BTBD10: variants seen among roughly 807,000 people sequenced by gnomAD.
The protein encoded by BTBD10 is BTB domain containing 10, also known as BTB/POZ domain-containing protein 10.
A neutral mutation model predicts 53.2 loss-of-function variants in BTBD10; 21 were observed. The observed-to-expected ratio is 0.39, with a 90% CI of 0.28 to 0.57. BTBD10 has a LOEUF of 0.57. BTBD10 is among the 20% of genes least tolerant of loss of function. BTBD10 has a pLI of 0.53. For synonymous variants in BTBD10, 149 were observed against 192.7 expected, an observed-to-expected ratio of 0.77 and a Z score of 1.88; for missense variants, 360 against 594.7, an observed-to-expected ratio of 0.61 and a Z score of 4.10.
chr11:13,411,019 T>C (rs960224919), intron 6 of BTBD10, among the ~76,000 whole-genome samples: 2 of 152,176 alleles, frequency 1.3e-5, no homozygotes, highest in African/African-American at 2.4e-5. Context: ...TAAGTCAGAT[T>C]TGAGTATGTT....
Position 13,389,008 on chromosome 11 carries a change from A to G in BTBD10, c.1251T>C (p.Phe417=), listed in dbSNP as rs765261098. Residue 417 remains phenylalanine (F), a synonymous_variant, in exon 9 of 9, where the codon TTT becomes TTC. Coordinates refer to ENST00000278174, the MANE Select transcript of BTBD10 (RefSeq NM_032320.7). Reference sequence around the variant, plus strand: ...TGATAGATTTACTCTTTACACACTGAAAGTCTACATGCCGACTCTTTCCTT... The same window carrying G: ...TGATAGATTTACTCTTTACACACTGGAAGTCTACATGCCGACTCTTTCCTT... ...KEEGKSRHVD[F]QCVKSKSITN... 3.7e-6 allele frequency: 6 copies of G among 1,613,976 alleles called. No individual in the cohort carries two copies. Among genetic ancestry groups the G allele is most frequent in the East Asian group, 4.5e-5 (2 of 44,898 alleles).
intron 2 of BTBD10, among the ~76,000 whole-genome samples, chr11:13,428,370 A>G (rs1157481170): frequency 3.3e-5 from 5 of 152,102 alleles, no homozygotes; most frequent in African/African-American, 1.2e-4. Flanking sequence ...TAAGATAGAA[A>G]TAATATCACC....
chr11:13,418,971 CT>C (rs11423580), intron 4 of BTBD10, among the ~76,000 whole-genome samples: 13,544 of 125,348 alleles, frequency 0.11, 735 homozygotes, highest in East Asian at 0.17. Flanking sequence ...GTTGACATTC[CT>C]TTTTTTTTTT....
intron 6 of BTBD10, 37 bp from the exon 7 acceptor site, chr11:13,405,893 T>A (rs756525065): frequency 6.3e-7 from 1 of 1,595,628 alleles, no homozygotes; most frequent in South Asian, 1.1e-5. Flanking sequence ...TACCAAAACT[T>A]TTCCTAAAAA....
intron 4 of BTBD10, 63 bp from the exon 5 acceptor site, chr11:13,417,323 T>C: frequency 8.4e-7 from 1 of 1,195,220 alleles, no homozygotes; most frequent in Non-Finnish European, 1.2e-6. Flanking sequence ...GGAAAATAGA[T>C]TTCATGTACA....
chr11:13,393,994 G>T (rs187872962), intron 8 of BTBD10, among the ~76,000 whole-genome samples: 1 of 152,160 alleles, frequency 6.6e-6, no homozygotes, highest in Non-Finnish European at 1.5e-5. Flanking sequence ...AATACCAGCT[G>T]ATAAATGTAA....
intron 2 of BTBD10, among the ~76,000 whole-genome samples, chr11:13,437,764 A>G (rs1415241464): frequency 6.6e-6 from 1 of 152,194 alleles, no homozygotes. Context: ...GTCATAAATG[A>G]GTCCTTTCCA....
rs7945267 is a variant in BTBD10 at position 13,446,562 on chromosome 11, A to C, written c.-57-1381T>G. Among the ~76,000 whole-genome samples the C allele has an allele frequency of 3.3e-5, 5 of 152,192 alleles. No homozygotes were observed. In the East Asian group the frequency reaches 9.6e-4, roughly 29 times the overall value. Reference sequence around the variant, plus strand: ...TAGATCCATGAGTGAAATAAAAATAAAAGTGGGGGAAAGGAAGAACTGCTG... The same window carrying C: ...TAGATCCATGAGTGAAATAAAAATACAAGTGGGGGAAAGGAAGAACTGCTG... On this transcript the variant is annotated intron_variant, in intron 1 of 8. Transcript: ENST00000278174.
intron 1 of BTBD10, among the ~76,000 whole-genome samples, chr11:13,459,125 C>G (rs1158016572): frequency 2.7e-5 from 4 of 147,878 alleles, no homozygotes; most frequent in African/African-American, 5.0e-5. Flanking sequence ...GGCGGGATCT[C>G]GGCTCACTGC....
chr11:13,399,774 C>A (rs1470453225), intron 8 of BTBD10, among the ~76,000 whole-genome samples: 1 of 152,134 alleles, frequency 6.6e-6, no homozygotes, highest in East Asian at 1.9e-4. Context: ...CAGACAGGAC[C>A]CTCAGCAGCA....
At chr11:13,399,891 T>C (rs1199661792) in intron 8 of BTBD10, among the ~76,000 whole-genome samples, 1 of 152,196 alleles carries the variant, frequency 6.6e-6, no homozygotes, top group Non-Finnish European at 1.5e-5. Context: ...TGCTGCTGCC[T>C]GATCGTTCCT....
intron 6 of BTBD10, among the ~76,000 whole-genome samples, chr11:13,412,094 G>C (rs954132695): frequency 1.3e-5 from 2 of 152,028 alleles, no homozygotes; most frequent in African/African-American, 4.8e-5. Flanking sequence ...GCCTCCCAAA[G>C]TGCTGAGATT....
At chr11:13,422,679 A>T (rs1038425922) in intron 2 of BTBD10, among the ~76,000 whole-genome samples, 2 of 152,290 alleles carry the variant, frequency 1.3e-5, no homozygotes, top group South Asian at 4.1e-4. Flanking sequence ...TTCTCTGAAA[A>T]ACCTAACAAA....
At chr11:13,422,290 A>C (rs1950258559) in intron 2 of BTBD10, among the ~76,000 whole-genome samples, 1 of 152,242 alleles carries the variant, frequency 6.6e-6, no homozygotes, top group African/African-American at 2.4e-5. Flanking sequence ...TGCTAACTTC[A>C]ATCAACCAAC....
At chr11:13,406,451 G>T (rs1055091562) in intron 6 of BTBD10, among the ~76,000 whole-genome samples, 1 of 151,978 alleles carries the variant, frequency 6.6e-6, no homozygotes, top group Non-Finnish European at 1.5e-5. Flanking sequence ...CTATTTAATG[G>T]CAATGTCCTA....
At chr11:13,395,682 T>TTG (rs1949528917) in intron 8 of BTBD10, among the ~76,000 whole-genome samples, 7 of 152,208 alleles carry the variant, frequency 4.6e-5, no homozygotes, top group African/African-American at 1.7e-4. Flanking sequence ...GTCTAACATG[T>TTG]AAGTCTTTAA....
rs989710071 is a variant in BTBD10, at chr11:13,402,413, T to C, written c.1117+755A>G. ...AACCTTATAAAGTACTCATTAATGCTCTCATTTTAGAGGAAAGAAACTGAG... is the reference window on the plus strand; with the variant it reads ...AACCTTATAAAGTACTCATTAATGCCCTCATTTTAGAGGAAAGAAACTGAG... On this transcript the variant is annotated intron_variant, in intron 8 of 8. Transcript: ENST00000278174. Among the ~76,000 whole-genome samples the C allele has an allele frequency of 3.5e-4, 53 of 152,338 alleles. 2 individuals are homozygous for C. The Middle Eastern group carries it at 0.01, about 29-fold the overall frequency.
intron 8 of BTBD10, among the ~76,000 whole-genome samples, chr11:13,394,883 T>A (rs1280855201): frequency 1.3e-5 from 2 of 151,986 alleles, no homozygotes; most frequent in Admixed American, 1.3e-4. Context: ...CATCATTTTT[T>A]ATGGCTGCAT....
intron 8 of BTBD10, among the ~76,000 whole-genome samples, chr11:13,394,334 C>T (rs999770582): frequency 6.6e-6 from 1 of 152,152 alleles, no homozygotes; most frequent in Non-Finnish European, 1.5e-5. Flanking sequence ...AGTGAGTGCT[C>T]ATGAGATCTG....
Sources: allele counts gnomAD v4.1 joint callset (sites outside exome capture counted in the v4.1 genomes callset), GRCh38; gene constraint gnomAD v4.1.1; transcripts MANE v1.5; gene names NCBI Gene and HGNC (gene_info 2026-07-23, HGNC 2026-07-21).